Variants in SUGP2 observed in about 807,000 individuals in gnomAD.
SUGP2 encodes the protein SURP and G-patch domain containing 2.
Under a neutral mutation model 90.5 loss-of-function variants are expected in SUGP2, and 24 were observed. The observed-to-expected ratio is 0.27, with a 90% CI of 0.19 to 0.37. The LOEUF (loss-of-function observed/expected upper bound fraction) is 0.37, where lower values mean the gene tolerates loss of function less well. Ranked by LOEUF, SUGP2 falls within the 10% of genes least tolerant of loss-of-function variation. The pLI is 1.00. For missense variants in SUGP2, 1,233 were observed against 1,363.3 expected (o/e 0.90, Z 1.51); for synonymous variants, 473 against 513.4 (o/e 0.92, Z 1.06).
At chr19:19,021,217 A>G (rs1047436863) in intron 3 of SUGP2, among the ~76,000 whole-genome samples, 2 of 151,102 alleles carry the variant, frequency 1.3e-5, no homozygotes, top group Non-Finnish European at 2.9e-5. Context: ...ACTCAACTCA[A>G]TTAAAATCAC....
intron 3 of SUGP2, among the ~76,000 whole-genome samples, chr19:19,022,366 T>C (rs1292069155): frequency 2.0e-5 from 3 of 152,146 alleles, no homozygotes; most frequent in Non-Finnish European, 2.9e-5. Context: ...TATCCCGCTA[T>C]CCAGACAGGG....
At chr19:19,010,576 G>A (rs1167331259) in intron 4 of SUGP2, among the ~76,000 whole-genome samples, 3 of 152,162 alleles carry the variant, frequency 2.0e-5, no homozygotes, top group African/African-American at 7.2e-5. Context: ...ATTTCCATCA[G>A]CAGCAGCCGT....
At chr19:19,027,689 G>A (rs1333894579) in intron 2 of SUGP2, among the ~76,000 whole-genome samples, 1 of 151,728 alleles carries the variant, frequency 6.6e-6, no homozygotes, top group Non-Finnish European at 1.5e-5. Context: ...GAGTGCCGGA[G>A]TGCAAGGGTG....
chr19:19,027,225 G>A (rs1224494788), intron 2 of SUGP2, among the ~76,000 whole-genome samples: 1 of 152,228 alleles, frequency 6.6e-6, no homozygotes, highest in Non-Finnish European at 1.5e-5. Flanking sequence ...TATGAGAACA[G>A]TGGGCCTCAG....
chr19:18,999,139 G>A (rs10423129), intron 8 of SUGP2, among the ~76,000 whole-genome samples: 3,505 of 152,268 alleles, frequency 0.023, 132 homozygotes, highest in African/African-American at 0.08. Flanking sequence ...AAGTTTCTTC[G>A]TGAATGTTCA....
Position 18,991,451 on chromosome 19 carries a change from C to T in SUGP2, c.*2290G>A, listed in dbSNP as rs1390204165. On this transcript the variant is annotated 3_prime_UTR_variant, in exon 11 of 11. Transcript: ENST00000452918. ...GGTTCAAGGAGATGTGCCCTTTGAC[C>T]CCTGCCAAGGACTCACAGAACCATC... 6.6e-6 allele frequency: 1 copy of T among 152,236 alleles called. No individual in the cohort carries two copies. Among genetic ancestry groups the T allele is most frequent in the African/African-American group, 2.4e-5 (1 of 41,444 alleles). The allele number at this position is 152,236 out of a possible 1,614,324, so 9.4% of individuals were successfully genotyped here.
chr19:19,033,295 C>A (rs1428749648), intron 1 of SUGP2, 142 bp downstream of exon 1: 5 of 989,430 alleles, frequency 5.1e-6, no homozygotes, highest in Non-Finnish European at 6.2e-6. Context: ...CCCAGGCCAA[C>A]CCGGCGGGGA....
In SUGP2 at chr19:19,007,755, CTTT is replaced by C. The variant is rs34670209; in HGVS notation, c.2450+559_2450+561del. 4.4e-4 allele frequency among the ~76,000 whole-genome samples: 50 copies of C among 113,400 alleles called. 1 individual carries two copies. In the East Asian group the frequency reaches 5.4e-3, roughly 12 times the overall value. The allele number at this position is 113,400 out of a possible 152,430, so 74.4% of individuals were successfully genotyped here. On this transcript the variant is annotated intron_variant, in intron 6 of 10. Transcript: ENST00000452918. ...ACAAGCATGAGCCATTGCACCTAGCCTTTTTTTTTTTTTTTTTTTTTGGAGATG... is the reference window on the plus strand; with the variant it reads ...ACAAGCATGAGCCATTGCACCTAGCCTTTTTTTTTTTTTTTTTTGGAGATG...
chr19:19,033,274 G>T, intron 1 of SUGP2, 163 bp downstream of exon 1: 2 of 799,850 alleles, frequency 2.5e-6, no homozygotes, highest in Non-Finnish European at 3.1e-6. Context: ...CCGGGAGGCC[G>T]CAGCCGGCCA....
In SUGP2 at chr19:19,009,900, T is replaced by C. The variant is rs763190119; in HGVS notation, c.2293A>G (p.Ile765Val). The change falls in exon 5 of 11, where the codon ATC becomes GTC. Residue 765 changes from isoleucine (I) to valine (V), a missense_variant. By Grantham distance (29) the Ile-to-Val change is conservative. Transcript: ENST00000452918. ...GAAGAGGTCTGAGGTGCTTCAGAGA[T>C]GTCCACTCCTGCTGGCTTGGGGGAT... ...GPSPKPAGVD[I>V]SEAPQTSSPC... is the part of the protein sequence containing the mutation. 7 of 1,614,022 alleles carry C rather than the reference T, an allele frequency of 4.3e-6. No individual in the cohort carries two copies. Among genetic ancestry groups the C allele is most frequent in the Admixed American group, 3.3e-5 (2 of 60,008 alleles).
At chr19:19,002,059 T>C (rs750279796) in intron 7 of SUGP2, among the ~76,000 whole-genome samples, 5 of 152,342 alleles carry the variant, frequency 3.3e-5, no homozygotes, top group Admixed American at 6.5e-5. Context: ...GCCCTCCTAG[T>C]TTATCTGCAG....
chr19:19,000,999 C>T (rs191248505), intron 8 of SUGP2, among the ~76,000 whole-genome samples: 58 of 151,670 alleles, frequency 3.8e-4, no homozygotes, highest in East Asian at 2.9e-3. Flanking sequence ...GACACCCAAT[C>T]GGCCTTAGCT....
intron 1 of SUGP2, among the ~76,000 whole-genome samples, chr19:19,032,508 T>C (rs2059212240): frequency 6.6e-6 from 1 of 152,130 alleles, no homozygotes; most frequent in Non-Finnish European, 1.5e-5. Context: ...ACAGAGGCTC[T>C]GAGAACTTCC....
rs771639087 is a variant in SUGP2, at chr19:19,024,794, T to A, written c.1554A>T (p.Glu518Asp). 9 of 1,614,180 alleles carry A rather than the reference T, an allele frequency of 5.6e-6. No homozygotes were observed. The Admixed American group carries it at 1.3e-4, about 24-fold the overall frequency. Residue 518 changes from glutamate (E) to aspartate (D), a missense_variant, in exon 3 of 11, where the codon GAA (glutamate) becomes GAT (aspartate). Glu to Asp is a conservative substitution (Grantham distance 45). Coordinates refer to ENST00000452918, the MANE Select transcript of SUGP2 (RefSeq NM_001017392.5). ...ACTCTCGCCCAAACAAAGTGGAGTC[T>A]TCGAAGTTTGGAAACGCAGCAGGTG... ...APSPAAFPNF[E>D]DSTLFGREYI...
intron 2 of SUGP2, among the ~76,000 whole-genome samples, chr19:19,030,165 A>C (rs1403931699): frequency 6.6e-6 from 1 of 151,646 alleles, no homozygotes; most frequent in African/African-American, 2.4e-5. Flanking sequence ...AAAACAAAAA[A>C]CAAAAAAAAC....
intron 2 of SUGP2, among the ~76,000 whole-genome samples, chr19:19,029,540 G>A (rs527351109): frequency 2.6e-5 from 4 of 151,286 alleles, no homozygotes; most frequent in East Asian, 3.9e-4. Context: ...CCGGGTTCAC[G>A]GCATTATCCC....
chr19:19,031,297 G>C (rs1450527005), intron 1 of SUGP2, among the ~76,000 whole-genome samples: 1 of 152,156 alleles, frequency 6.6e-6, no homozygotes, highest in African/African-American at 2.4e-5. Flanking sequence ...ACTTTGGGAG[G>C]CTGAGGTGAG....
intron 8 of SUGP2, among the ~76,000 whole-genome samples, chr19:18,999,513 C>T (rs1437684237): frequency 4.6e-5 from 7 of 152,170 alleles, no homozygotes; most frequent in African/African-American, 1.7e-4. Flanking sequence ...CCTGCTGTGC[C>T]CTCATCTGGC....
chr19:19,017,139 A>G (rs1277240965), intron 4 of SUGP2, among the ~76,000 whole-genome samples: 1 of 152,208 alleles, frequency 6.6e-6, no homozygotes, highest in Non-Finnish European at 1.5e-5. Context: ...GGGCTGTGAT[A>G]GCACCCCTGC....
Sources: allele counts gnomAD v4.1 joint callset (sites outside exome capture counted in the v4.1 genomes callset), GRCh38; gene constraint gnomAD v4.1.1; transcripts MANE v1.5; gene names NCBI Gene and HGNC (gene_info 2026-07-23, HGNC 2026-07-21).